Variants in FNDC1 observed in about 807,000 individuals in gnomAD.
FNDC1 encodes fibronectin type III domain containing 1.
FNDC1 carries 96 observed loss-of-function variants against 168.0 expected under a neutral mutation model. The ratio of observed to expected loss-of-function variants is 0.57; its 90% CI spans 0.48 to 0.68. FNDC1 has a LOEUF of 0.68. Among genes scored for constraint, FNDC1 ranks in the 30% least tolerant of loss-of-function variants. The probability of loss-of-function intolerance (pLI) is 0.00; values close to 1 mark genes in which losing one functional copy is unlikely to be tolerated. For synonymous variants in FNDC1, 1,099 were observed against 1,025.9 expected (o/e 1.07, Z -1.36); for missense variants, 2,587 against 2,482.1 (o/e 1.04, Z -0.90).
chr6:159,170,285 A>T (rs1448434000), intron 1 of FNDC1, among the ~76,000 whole-genome samples: 2 of 152,206 alleles, frequency 1.3e-5, no homozygotes, highest in Admixed American at 6.5e-5. Context: ...CCCGGGGGGA[A>T]CGTTCAAGCT....
At chr6:159,205,800 G>A (rs1050398259) in intron 4 of FNDC1, among the ~76,000 whole-genome samples, 1 of 152,166 alleles carries the variant, frequency 6.6e-6, no homozygotes, top group African/African-American at 2.4e-5. Context: ...CTGAACAAAT[G>A]GCTGTTTTCC....
chr6:159,256,781 C>A, intron 18 of FNDC1, 150 bp downstream of exon 18: 1 of 646,614 alleles, frequency 1.5e-6, no homozygotes, highest in Non-Finnish European at 2.7e-6. Flanking sequence ...GCATGCTTAC[C>A]ATATGTCATA....
At chr6:159,246,635 A>C (rs1329101015) in intron 14 of FNDC1, among the ~76,000 whole-genome samples, 2 of 152,124 alleles carry the variant, frequency 1.3e-5, no homozygotes, top group Non-Finnish European at 1.5e-5. Flanking sequence ...GGTGCTGAGG[A>C]GTCTGGGAAC....
At chr6:159,206,801 T>C (rs376437281) in intron 4 of FNDC1, among the ~76,000 whole-genome samples, 7 of 152,182 alleles carry the variant, frequency 4.6e-5, no homozygotes, top group Admixed American at 3.3e-4. Flanking sequence ...GGCTGGTCTA[T>C]GAAGATGAGG....
At chr6:159,243,529 CA>C (rs1328118638) in intron 14 of FNDC1, among the ~76,000 whole-genome samples, 1 of 152,072 alleles carries the variant, frequency 6.6e-6, no homozygotes, top group Non-Finnish European at 1.5e-5. Context: ...TGACATTTTT[CA>C]CTTATTTTTT....
intron 18 of FNDC1, among the ~76,000 whole-genome samples, chr6:159,258,916 C>A (rs1777424925): frequency 6.6e-6 from 1 of 152,190 alleles, no homozygotes; most frequent in Non-Finnish European, 1.5e-5. Context: ...AGAAGTCAGT[C>A]TACCCAAAAG....
chr6:159,262,788 T>A (rs867613035), intron 19 of FNDC1, among the ~76,000 whole-genome samples: 1 of 152,176 alleles, frequency 6.6e-6, no homozygotes, highest in Non-Finnish European at 1.5e-5. Flanking sequence ...TGAGGAAAAT[T>A]CAAGGCCCCA....
At chr6:159,239,138 G>C (rs1183033786) in intron 13 of FNDC1, among the ~76,000 whole-genome samples, 1 of 152,166 alleles carries the variant, frequency 6.6e-6, no homozygotes, top group Non-Finnish European at 1.5e-5. Flanking sequence ...TTTTTTATGT[G>C]TTGTTTATGT....
Position 159,233,236 on chromosome 6 carries a change from C to G in FNDC1, c.2724C>G (p.Asp908Glu). 1 of 1,613,914 alleles carries G rather than the reference C, an allele frequency of 6.2e-7. No individual in the cohort carries two copies. Among genetic ancestry groups the G allele is most frequent in the Non-Finnish European group, 8.5e-7 (1 of 1,179,870 alleles). The change falls in exon 11 of 23, where the codon GAC becomes GAG. Residue 908 changes from aspartate (D) to glutamate (E), a missense_variant. Coordinates refer to ENST00000297267, the MANE Select transcript of FNDC1 (RefSeq NM_032532.3). The surrounding 1 kb of genome is among the most constrained non-coding windows in gnomAD (Gnocchi z 4.6). ...AGCCCATCTCCCGGGGCTGGGAGGA[C>G]TTAAGGAGAAGCCCGCAGAGAGGGG... ...SRQPISRGWEDLRRSPQRGAS... is the reference protein window; with the variant it reads ...SRQPISRGWEELRRSPQRGAS...
chr6:159,197,758 G>A (rs411523), intron 2 of FNDC1, 133 bp downstream of exon 2: 192,229 of 749,064 alleles, frequency 0.26, 28,805 homozygotes, highest in East Asian at 0.66. Flanking sequence ...GGAATGGAGA[G>A]CTGAGTTCTG....
chr6:159,248,660 C>A (rs942088674), intron 15 of FNDC1, among the ~76,000 whole-genome samples: 1 of 152,132 alleles, frequency 6.6e-6, no homozygotes, highest in African/African-American at 2.4e-5. Flanking sequence ...ACCTTTTATT[C>A]TCTAAAAGGG....
In FNDC1 at chr6:159,249,030, T is replaced by G. The variant is rs1398548387; in HGVS notation, c.4691-9T>G. The G allele has an allele frequency of 6.3e-7, 1 of 1,590,496 alleles. No individual in the cohort carries two copies. The highest frequency in any genetic ancestry group is 8.6e-7 in the Non-Finnish European group (1 of 1,168,366). On this transcript the variant is annotated splice_polypyrimidine_tract_variant and intron_variant, in intron 15 of 22. Transcript: ENST00000297267. ...AGTGCCCAATTACAGAGCCTTCATATCATTTCAGATTATGAATTTGAGACG... is the reference window on the plus strand; with the variant it reads ...AGTGCCCAATTACAGAGCCTTCATAGCATTTCAGATTATGAATTTGAGACG...
intron 15 of FNDC1, among the ~76,000 whole-genome samples, chr6:159,247,795 T>C (rs1777169273): frequency 6.6e-6 from 1 of 152,158 alleles, no homozygotes; most frequent in Middle Eastern, 3.2e-3. Context: ...TTGGACAGCA[T>C]CTGGGAGAGT....
At chr6:159,195,468 A>G (rs762305028) in intron 1 of FNDC1, among the ~76,000 whole-genome samples, 9 of 152,046 alleles carry the variant, frequency 5.9e-5, no homozygotes, top group Non-Finnish European at 1.2e-4. Flanking sequence ...GTTTTAGGAT[A>G]GTATGTTTCA....
chr6:159,185,518 C>T (rs754751467), intron 1 of FNDC1, among the ~76,000 whole-genome samples: 56 of 152,114 alleles, frequency 3.7e-4, no homozygotes, highest in Non-Finnish European at 6.2e-4. Flanking sequence ...GCAGAGAGAC[C>T]GGGACTGTCC....
At position 159,169,570 on chromosome 6, in the gene FNDC1, C is replaced by G. The variant is rs1305726109; in HGVS notation, c.-27C>G. 1.1e-6 allele frequency: 1 copy of G among 942,336 alleles called. No homozygotes were observed. The highest frequency in any genetic ancestry group is 1.3e-6 in the Non-Finnish European group (1 of 764,574). The allele number at this position is 942,336 out of a possible 1,614,324, so 58.4% of individuals were successfully genotyped here. On this transcript the variant is annotated 5_prime_UTR_variant, in exon 1 of 23. Transcript: ENST00000297267. This position sits in a 1 kb window ranked among gnomAD's most constrained non-coding sequence, Gnocchi z 6.8. The stretch of plus-strand genomic sequence containing the variant: ...GCGCCCCCCTGCCAGCCGCAAGCAC[C>G]CAGCCCCGGCCCACCCCGGGCTCTC...
At position 159,232,558 on chromosome 6, in the gene FNDC1, C is replaced by T. The variant is rs1396956259; in HGVS notation, c.2046C>T (p.Arg682=). 10 of 1,611,562 alleles carry T rather than the reference C, an allele frequency of 6.2e-6. No homozygotes were observed. The highest frequency in any genetic ancestry group is 2.2e-5 in the East Asian group (1 of 44,838). Residue 682 remains arginine (R), a synonymous_variant, in exon 11 of 23, where the codon CGC becomes CGT. Coordinates refer to ENST00000297267, the MANE Select transcript of FNDC1 (RefSeq NM_032532.3). The surrounding 1 kb of genome is among the most constrained non-coding windows in gnomAD (Gnocchi z 4.9). ...GCCAGTCCCCGTCCAGCGTTCTCCG[C>T]GACAGAAGCTCTGTGCACCCCGGCG... ...PSRQSPSSVL[R]DRSSVHPGAK...
rs764406543 is a variant in FNDC1 at position 159,249,096 on chromosome 6, C to A, written c.4748C>A (p.Thr1583Asn). 26 of 1,607,426 alleles carry A rather than the reference C, an allele frequency of 1.6e-5. No homozygotes were observed. Among genetic ancestry groups the A allele is most frequent in the Non-Finnish European group, 2.1e-5 (25 of 1,176,904 alleles). ...PTTTEPSTTA[T>N]TPRVIPEEGA... ...ACCACTGAGCCTTCGACCACTGCTA[C>A]CACACCGAGGGTGATCCCAGAGGAA... Residue 1583 changes from threonine (T) to asparagine (N), a missense_variant, in exon 16 of 23, where the codon ACC (threonine) becomes AAC (asparagine). By Grantham distance (65) the Thr-to-Asn change is moderately conservative. Transcript: ENST00000297267.
chr6:159,269,563 CATCCATCT>C (rs1777692891), intron 22 of FNDC1, among the ~76,000 whole-genome samples: 3 of 148,730 alleles, frequency 2.0e-5, no homozygotes, highest in South Asian at 2.1e-4. Context: ...TCCATCCATC[CATCCATCT>C]ATCCTATCTG....
Sources: allele counts gnomAD v4.1 joint callset (sites outside exome capture counted in the v4.1 genomes callset), GRCh38; gene constraint gnomAD v4.1.1; non-coding constraint Gnocchi (gnomAD v3.1); transcripts MANE v1.5; gene names NCBI Gene and HGNC (gene_info 2026-07-23, HGNC 2026-07-21).